TRPV2: variants seen among roughly 807,000 people sequenced by gnomAD.
TRPV2 encodes the protein transient receptor potential cation channel subfamily V member 2, also known as OTRPC2.
In TRPV2, 58 loss-of-function variants were observed where a neutral mutation model predicts 91.0. The observed-to-expected ratio is 0.64, with a 90% CI of 0.52 to 0.79. The LOEUF is 0.79. TRPV2 is among the 30% of genes least tolerant of loss of function. The probability of loss-of-function intolerance (pLI) is 0.00; values close to 1 mark genes in which losing one functional copy is unlikely to be tolerated. For synonymous variants in TRPV2, 417 were observed against 414.8 expected (o/e 1.01, Z -0.06); for missense variants, 807 against 969.6 (o/e 0.83, Z 2.23).
rs11329557 is a variant in TRPV2 at position 16,425,022 on chromosome 17, ATT to A, written c.925-1059_925-1058del. Among the ~76,000 whole-genome samples, 195 of 115,994 alleles carry A rather than the reference ATT, an allele frequency of 1.7e-3. 1 individual carries two copies. Among genetic ancestry groups the A allele is most frequent in the African/African-American group, 6.3e-3 (188 of 29,664 alleles). 76.1% of individuals were successfully genotyped at this position (115,994 alleles called of 152,430 possible). On this transcript the variant is annotated intron_variant, in intron 5 of 14. Coordinates refer to ENST00000338560, the MANE Select transcript of TRPV2 (RefSeq NM_016113.5). The stretch of plus-strand genomic sequence containing the variant: ...TTTTCTTCCAAACTTTTGCAGCTGC[ATT>A]TTTTTTTTTTTTTTTTTGAGATGGA...
intron 9 of TRPV2, 109 bp downstream of exon 9, chr17:16,428,496 G>A (rs748750948): frequency 2.8e-5 from 35 of 1,229,686 alleles, no homozygotes; most frequent in Middle Eastern, 3.8e-4. Flanking sequence ...CGGGGCCCAG[G>A]AAGTCGGGAT....
intron 2 of TRPV2, chr17:16,419,371 C>G (rs1173386520): frequency 2.1e-6 from 1 of 470,986 alleles, no homozygotes; most frequent in East Asian, 7.0e-5. Flanking sequence ...TTGGTGGTGT[C>G]TGATATGTTT....
intron 10 of TRPV2, among the ~76,000 whole-genome samples, chr17:16,431,282 TATATAC>T (rs1199774984): frequency 7.2e-5 from 4 of 55,738 alleles, no homozygotes; most frequent in African/African-American, 2.5e-4. Flanking sequence ...TATATATATA[TATATAC>T]ATATTTTTTT....
chr17:16,432,308 C>A lies in TRPV2; in HGVS notation c.1989+8C>A. ...AGCATCTGGAAGCTGCAGGTGCCACCAGAGAGGCTCCCTGCCCCCACCCCA... is the reference window on the plus strand; with the variant it reads ...AGCATCTGGAAGCTGCAGGTGCCACAAGAGAGGCTCCCTGCCCCCACCCCA... On this transcript the variant is annotated splice_region_variant and intron_variant, in intron 12 of 14. Transcript: ENST00000338560. The A allele has an allele frequency of 1.3e-6, 2 of 1,594,498 alleles. No individual in the cohort carries two copies. The highest frequency in any genetic ancestry group is 1.7e-6 in the Non-Finnish European group (2 of 1,167,044).
intron 12 of TRPV2, 38 bp downstream of exon 12, chr17:16,432,338 A>G: frequency 6.4e-7 from 1 of 1,551,470 alleles, no homozygotes; most frequent in Non-Finnish European, 8.8e-7. Flanking sequence ...ACCCCACCCC[A>G]CACTCAGGCG....
chr17:16,433,519 T>A, intron 12 of TRPV2, 55 bp from the exon 13 acceptor site: 18 of 1,598,838 alleles, frequency 1.1e-5, no homozygotes, highest in Non-Finnish European at 1.5e-5. Flanking sequence ...CTTGTGTGCC[T>A]TTGCCCCCAG....
At chr17:16,430,465 A>G (rs1221175949) in intron 10 of TRPV2, among the ~76,000 whole-genome samples, 2 of 149,760 alleles carry the variant, frequency 1.3e-5, no homozygotes, top group African/African-American at 4.9e-5. Context: ...GCCATGTTGT[A>G]GCATGTGTCA....
intron 9 of TRPV2, 103 bp downstream of exon 9, chr17:16,428,490 G>A (rs2093395249): frequency 7.8e-7 from 1 of 1,276,442 alleles, no homozygotes; most frequent in East Asian, 2.3e-5. Flanking sequence ...AGGACACGGG[G>A]CCCAGGAAGT....
At chr17:16,431,272 TATATATATATATATAC>T (rs1454043296) in intron 10 of TRPV2, among the ~76,000 whole-genome samples, 2 of 75,390 alleles carry the variant, frequency 2.7e-5, no homozygotes, top group African/African-American at 1.2e-4. Context: ...TATATATATA[TATATATATATATATAC>T]ATATTTTTTT....
At chr17:16,427,838 C>G (rs969385689) in intron 8 of TRPV2, among the ~76,000 whole-genome samples, 1 of 152,168 alleles carries the variant, frequency 6.6e-6, no homozygotes, top group Non-Finnish European at 1.5e-5. Flanking sequence ...CTAGCCAGGC[C>G]CCTCGGCTGG....
At chr17:16,420,063 G>A (rs1600958015) in intron 2 of TRPV2, 52 bp from the exon 3 acceptor site, 16 of 1,588,018 alleles carry the variant, frequency 1.0e-5, no homozygotes, top group Admixed American at 8.5e-5. Context: ...AGGGCTTTTG[G>A]GGGGGCCTGT....
chr17:16,432,384 T>G, intron 12 of TRPV2, 84 bp downstream of exon 12: 1 of 1,301,004 alleles, frequency 7.7e-7, no homozygotes, highest in Non-Finnish European at 1.0e-6. Flanking sequence ...AGCTGGGCCT[T>G]CCCTAGCCAG....
At chr17:16,419,811 TGA>T (rs2093347907) in intron 2 of TRPV2, among the ~76,000 whole-genome samples, 1 of 152,134 alleles carries the variant, frequency 6.6e-6, no homozygotes, top group Non-Finnish European at 1.5e-5. Context: ...TCGAGGCTGT[TGA>T]GAGATGGTAC....
intron 3 of TRPV2, 35 bp downstream of exon 3, chr17:16,420,283 C>T: frequency 6.4e-7 from 1 of 1,557,958 alleles, no homozygotes; most frequent in Non-Finnish European, 8.7e-7. Context: ...GGCTAGGCAT[C>T]CTGTGAGCTG....
intron 7 of TRPV2, 129 bp from the exon 8 acceptor site, chr17:16,427,320 T>C: frequency 1.3e-6 from 1 of 796,432 alleles, no homozygotes; most frequent in Non-Finnish European, 2.0e-6. Context: ...CTGGAGCCCA[T>C]GTTCCCATGC....
chr17:16,422,168 A>C (rs1034752563), intron 3 of TRPV2, among the ~76,000 whole-genome samples: 1 of 151,744 alleles, frequency 6.6e-6, no homozygotes, highest in Non-Finnish European at 1.5e-5. Context: ...AAAACAACAA[A>C]AAAAATTAGC....
rs982759573 is a variant in TRPV2 at position 16,420,099 on chromosome 17, A to G, written c.201-16A>G. ...GGTTCTTCTCCAGCATGAGTCACAA[A>G]CCACATCCTCCACAGTCAGCCGGAT... On this transcript the variant is annotated splice_polypyrimidine_tract_variant and intron_variant, in intron 2 of 14. Coordinates refer to ENST00000338560, the MANE Select transcript of TRPV2 (RefSeq NM_016113.5). 1 of 1,608,744 alleles carries G rather than the reference A, an allele frequency of 6.2e-7. No homozygotes were observed. The highest frequency in any genetic ancestry group is 8.5e-7 in the Non-Finnish European group (1 of 1,176,390).
Position 16,424,161 on chromosome 17 carries a change from G to T in TRPV2, c.924+394G>T, listed in dbSNP as rs1487878600. ...TGTGCCACCACACCCAGCTAATTTT[G>T]TTTTTTTTTTTTTTGAGACGGACCC... On this transcript the variant is annotated intron_variant, in intron 5 of 14. Transcript: ENST00000338560. 4.6e-4 allele frequency among the ~76,000 whole-genome samples: 62 copies of T among 133,656 alleles called. 1 individual carries two copies. The highest frequency in any genetic ancestry group is 1.3e-3 in the African/African-American group (45 of 35,284). The allele number at this position is 133,656 out of a possible 152,430, so 87.7% of individuals were successfully genotyped here.
At chr17:16,418,050 G>A (rs2093339914) in intron 2 of TRPV2, among the ~76,000 whole-genome samples, 182 bp downstream of exon 2, 1 of 152,228 alleles carries the variant, frequency 6.6e-6, no homozygotes, top group Admixed American at 6.5e-5. Context: ...ATCTGGCATT[G>A]CTCTTTCCAG....
Sources: gnomAD v4.1 joint callset for allele counts (sites outside exome capture counted in the v4.1 genomes callset) on GRCh38, gnomAD v4.1.1 for gene constraint, MANE v1.5 for transcripts, NCBI Gene and HGNC (gene_info 2026-07-23, HGNC 2026-07-21) for gene names.